Variants in FAM24B observed in about 807,000 individuals in gnomAD.
FAM24B encodes the protein protein FAM24B.
FAM24B carries 3 observed loss-of-function variants against 2.3 expected under a neutral mutation model. The ratio of observed to expected loss-of-function variants is 1.29; its 90% confidence interval spans 0.59 to 3.32. The LOEUF is 3.32. Ranked by LOEUF, FAM24B falls within the 30% of genes most tolerant of loss-of-function variation. FAM24B has a pLI of 0.03. For synonymous variants in FAM24B, 36 were observed against 46.3 expected, an observed-to-expected ratio of 0.78 and a Z score of 0.90; for missense variants, 98 against 117.2, an observed-to-expected ratio of 0.84 and a Z score of 0.76.
chr10:122,857,377 T>C (rs545181250), intron 1 of FAM24B, among the ~76,000 whole-genome samples: 1 of 152,296 alleles, frequency 6.6e-6, no homozygotes, highest in South Asian at 2.1e-4. Context: ...GGTTACTATG[T>C]TCCACTTATA....
intron 3 of FAM24B, 93 bp downstream of exon 3, chr10:122,850,331 C>T (rs1022442621): frequency 2.9e-6 from 3 of 1,023,098 alleles, no homozygotes; most frequent in East Asian, 2.4e-5. Flanking sequence ...CTTGCTCCAA[C>T]AGGAAGCCCA....
intron 3 of FAM24B, among the ~76,000 whole-genome samples, chr10:122,849,993 G>A (rs973902771): frequency 1.3e-5 from 2 of 152,082 alleles, no homozygotes; most frequent in African/African-American, 2.4e-5. Context: ...CCCAATTCAG[G>A]CAAGAAGAGA....
At chr10:122,851,613 C>T (rs75342973) in intron 2 of FAM24B, among the ~76,000 whole-genome samples, 2,143 of 152,336 alleles carry the variant, frequency 0.014, 49 homozygotes, top group African/African-American at 0.048. Flanking sequence ...CTCCCCTTTT[C>T]AGGCTTTGTT....
In FAM24B at chr10:122,856,968, T is replaced by C. The variant is rs558703954; in HGVS notation, c.-177-1182A>G. ...GGCCCAGCCCTGCATTTACATTTCA[T>C]TGGATGGAGACAAACAGAATTTGGT... On this transcript the variant is annotated intron_variant, in intron 1 of 3. Coordinates refer to ENST00000368898, the MANE Select transcript of FAM24B (RefSeq NM_152644.3). 1.8e-3 allele frequency among the ~76,000 whole-genome samples: 279 copies of C among 152,284 alleles called. 1 individual carries two copies. The highest frequency in any genetic ancestry group is 6.2e-3 in the African/African-American group (256 of 41,556).
chr10:122,852,934 C>G (rs776341820), intron 2 of FAM24B, among the ~76,000 whole-genome samples: 1 of 152,106 alleles, frequency 6.6e-6, no homozygotes, highest in Non-Finnish European at 1.5e-5. Context: ...GCCAGAAAAA[C>G]CAGTTTCTTG....
intron 2 of FAM24B, among the ~76,000 whole-genome samples, chr10:122,854,485 G>A (rs1847602353): frequency 6.6e-6 from 1 of 152,134 alleles, no homozygotes; most frequent in South Asian, 2.1e-4. Context: ...ATGATGTGTT[G>A]TTCCCCATTC....
intron 1 of FAM24B, among the ~76,000 whole-genome samples, chr10:122,867,842 A>G (rs1416205944): frequency 6.6e-6 from 1 of 152,232 alleles, no homozygotes; most frequent in African/African-American, 2.4e-5. Flanking sequence ...AGATGGGGAA[A>G]AAACAGAGCC....
chr10:122,850,571 A>T, intron 2 of FAM24B, 21 bp from the exon 3 acceptor site: 2 of 1,301,714 alleles, frequency 1.5e-6, no homozygotes, highest in Non-Finnish European at 2.2e-6. Flanking sequence ...AAGTGCAAGC[A>T]AGCACTGAGC....
chr10:122,857,876 C>T (rs1847663937), intron 1 of FAM24B, among the ~76,000 whole-genome samples: 1 of 152,122 alleles, frequency 6.6e-6, no homozygotes, highest in South Asian at 2.1e-4. Flanking sequence ...TTTTATGTCC[C>T]CCAAATGGGC....
intron 1 of FAM24B, among the ~76,000 whole-genome samples, chr10:122,874,816 T>G (rs1237323453): frequency 6.6e-6 from 1 of 150,430 alleles, no homozygotes; most frequent in Non-Finnish European, 1.5e-5. Context: ...CAGCATGAGG[T>G]TTTTTTTGCA....
intron 1 of FAM24B, among the ~76,000 whole-genome samples, chr10:122,869,194 T>C (rs1182082192): frequency 2.0e-5 from 3 of 152,120 alleles, no homozygotes; most frequent in Admixed American, 2.0e-4. Flanking sequence ...AGAAGGCCAT[T>C]ACATAATGGT....
At chr10:122,862,267 CA>C (rs1238986205) in intron 1 of FAM24B, among the ~76,000 whole-genome samples, 1 of 152,186 alleles carries the variant, frequency 6.6e-6, no homozygotes, top group Non-Finnish European at 1.5e-5. Flanking sequence ...AGATTCTAAA[CA>C]GCAATTATAA....
intron 2 of FAM24B, among the ~76,000 whole-genome samples, chr10:122,853,014 T>A (rs1847568781): frequency 6.6e-6 from 1 of 152,138 alleles, no homozygotes; most frequent in Non-Finnish European, 1.5e-5. Context: ...AGTTTAGGAA[T>A]CCGAGACAAA....
chr10:122,849,087 AAG>A lies in FAM24B; in HGVS notation c.*158_*159del. 2.2e-6 allele frequency: 1 copy of A among 461,920 alleles called. No individual in the cohort carries two copies. Among genetic ancestry groups the A allele is most frequent in the East Asian group, 3.6e-5 (1 of 27,826 alleles). 28.6% of individuals were successfully genotyped at this position (461,920 alleles called of 1,614,324 possible). A position where few individuals can be genotyped will look rare whatever the true frequency, so the allele number is the denominator to read the frequency against. On this transcript the variant is annotated 3_prime_UTR_variant, in exon 4 of 4. Transcript: ENST00000368898. ...CAACAATCAAAAAATATTGGCAGCA[AAG>A]AGGATTATTTTTAATAGTGTACATT...
chr10:122,852,241 C>G (rs1347356976), intron 2 of FAM24B, among the ~76,000 whole-genome samples: 1 of 152,120 alleles, frequency 6.6e-6, no homozygotes, highest in African/African-American at 2.4e-5. Context: ...ACAGCCACCC[C>G]CAAAACTAAA....
chr10:122,869,179 G>T (rs543985218), intron 1 of FAM24B, among the ~76,000 whole-genome samples: 1 of 152,040 alleles, frequency 6.6e-6, no homozygotes, highest in Non-Finnish European at 1.5e-5. Flanking sequence ...GATCAAAAGA[G>T]ACAAAGAAGG....
At chr10:122,871,015 A>G (rs1847888889) in intron 1 of FAM24B, among the ~76,000 whole-genome samples, 1 of 152,240 alleles carries the variant, frequency 6.6e-6, no homozygotes, top group Non-Finnish European at 1.5e-5. Flanking sequence ...TGCAGAGGAC[A>G]TGATTGTAAA....
intron 1 of FAM24B, among the ~76,000 whole-genome samples, chr10:122,872,962 A>T (rs1226683760): frequency 6.6e-6 from 1 of 152,154 alleles, no homozygotes; most frequent in Admixed American, 6.5e-5. Flanking sequence ...TAAAATAAAA[A>T]AAGAACAGGT....
At chr10:122,860,347 T>C (rs1368150557) in intron 1 of FAM24B, among the ~76,000 whole-genome samples, 3 of 152,238 alleles carry the variant, frequency 2.0e-5, no homozygotes, top group Admixed American at 2.0e-4. Flanking sequence ...TTAATATTTG[T>C]ATATCGATAG....
Sources: allele counts gnomAD v4.1 joint callset (sites outside exome capture counted in the v4.1 genomes callset), GRCh38; gene constraint gnomAD v4.1.1; transcripts MANE v1.5; gene names NCBI Gene and HGNC (gene_info 2026-07-23, HGNC 2026-07-21).